VPS13B: variants seen among roughly 807,000 people sequenced by gnomAD.
VPS13B encodes intermembrane lipid transfer protein VPS13B.
A neutral mutation model predicts 426.4 loss-of-function variants in VPS13B; 285 were observed. That is an observed-to-expected ratio of 0.67 (90% confidence interval 0.61 to 0.74). The LOEUF (loss-of-function observed/expected upper bound fraction) is 0.74, where lower values mean the gene tolerates loss of function less well. VPS13B is among the 30% of genes least tolerant of loss of function. The probability of loss-of-function intolerance (pLI) is 0.00; values close to 1 mark genes in which losing one functional copy is unlikely to be tolerated. For missense variants in VPS13B, 4,537 were observed against 4,782.6 expected (o/e 0.95, Z 1.51); for synonymous variants, 1,676 against 1,676.4 (o/e 1.00, Z 0.01).
intron 16 of VPS13B, among the ~76,000 whole-genome samples, chr8:99,173,571 G>A (rs1812474682): frequency 6.6e-6 from 1 of 152,134 alleles, no homozygotes; most frequent in Non-Finnish European, 1.5e-5. Flanking sequence ...CCAAAACTGT[G>A]TTCATCAGTC....
chr8:99,084,753 G>C (rs1260498807), intron 3 of VPS13B, among the ~76,000 whole-genome samples: 1 of 152,202 alleles, frequency 6.6e-6, no homozygotes, highest in African/African-American at 2.4e-5. Flanking sequence ...TTTCCATGTA[G>C]TTGAGTGGCT....
chr8:99,682,442 G>A (rs538125180), intron 35 of VPS13B, among the ~76,000 whole-genome samples: 1 of 152,238 alleles, frequency 6.6e-6, no homozygotes, highest in South Asian at 2.1e-4. Flanking sequence ...TTTGATACAA[G>A]TCTTTTGTCA....
intron 19 of VPS13B, among the ~76,000 whole-genome samples, chr8:99,317,163 C>G (rs1241161336): frequency 6.6e-6 from 1 of 152,110 alleles, no homozygotes; most frequent in Non-Finnish European, 1.5e-5. Context: ...GAGGTTATCC[C>G]AGATCTGGCA....
At chr8:99,246,989 G>A (rs1817259043) in intron 17 of VPS13B, among the ~76,000 whole-genome samples, 1 of 152,032 alleles carries the variant, frequency 6.6e-6, no homozygotes, top group Non-Finnish European at 1.5e-5. Flanking sequence ...TTGCCTAATA[G>A]ATAGTGAACT....
intron 29 of VPS13B, among the ~76,000 whole-genome samples, chr8:99,518,448 GAGA>G (rs1420767606): frequency 6.6e-6 from 1 of 152,188 alleles, no homozygotes; most frequent in Non-Finnish European, 1.5e-5. Flanking sequence ...GCAGCTGCAT[GAGA>G]AGTAGTTTTC....
intron 33 of VPS13B, among the ~76,000 whole-genome samples, chr8:99,640,162 G>A (rs146977616): frequency 4.2e-4 from 64 of 152,062 alleles, no homozygotes; most frequent in African/African-American, 1.3e-3. Context: ...ATTTTTTATC[G>A]CTGATAGTAA....
chr8:99,564,408 A>G (rs1825087600), intron 31 of VPS13B, among the ~76,000 whole-genome samples: 1 of 152,202 alleles, frequency 6.6e-6, no homozygotes, highest in Non-Finnish European at 1.5e-5. Context: ...CCTGGGAAAC[A>G]TCCGGCAGCA....
At chr8:99,413,051 A>G (rs747299281) in intron 21 of VPS13B, among the ~76,000 whole-genome samples, 1 of 152,180 alleles carries the variant, frequency 6.6e-6, no homozygotes, top group Non-Finnish European at 1.5e-5. Context: ...AGGTTTTGAT[A>G]TCAGGAAGAT....
intron 17 of VPS13B, among the ~76,000 whole-genome samples, chr8:99,207,076 A>G (rs939668198): frequency 3.9e-5 from 6 of 152,194 alleles, no homozygotes; most frequent in African/African-American, 9.6e-5. Context: ...AGGTGTCCCT[A>G]TATGCACTTT....
chr8:99,384,090 C>G, intron 19 of VPS13B, 118 bp from the exon 20 acceptor site: 3 of 875,142 alleles, frequency 3.4e-6, no homozygotes, highest in Non-Finnish European at 5.7e-6. Context: ...CACATCCTTT[C>G]CAACGCTTGT....
At chr8:99,605,885 G>T (rs1314198060) in intron 33 of VPS13B, among the ~76,000 whole-genome samples, 2 of 151,922 alleles carry the variant, frequency 1.3e-5, no homozygotes, top group Non-Finnish European at 2.9e-5. Flanking sequence ...AACTTTTTTT[G>T]TTTGTTTGCT....
At chr8:99,557,806 T>A (rs764641823) in intron 31 of VPS13B, among the ~76,000 whole-genome samples, 4 of 152,196 alleles carry the variant, frequency 2.6e-5, no homozygotes, top group Non-Finnish European at 4.4e-5. Context: ...CTTGTGGTTC[T>A]CATCGGAGAA....
intron 39 of VPS13B, among the ~76,000 whole-genome samples, chr8:99,745,658 C>A (rs545699534): frequency 2.6e-5 from 4 of 151,982 alleles, no homozygotes; most frequent in Admixed American, 6.6e-5. Flanking sequence ...ATGTATCCCT[C>A]ATGGATAAGG....
At chr8:99,029,467 A>G (rs1296140417) in intron 2 of VPS13B, among the ~76,000 whole-genome samples, 1 of 151,944 alleles carries the variant, frequency 6.6e-6, no homozygotes, top group East Asian at 1.9e-4. Context: ...ACGCCACTGC[A>G]CTCCAGCCTG....
intron 33 of VPS13B, among the ~76,000 whole-genome samples, chr8:99,627,309 C>T (rs927130182): frequency 1.3e-5 from 2 of 152,124 alleles, no homozygotes; most frequent in African/African-American, 4.8e-5. Flanking sequence ...GCCTGGGCAA[C>T]AGAGCCAGAC....
chr8:99,467,997 C>G (rs1426570459), intron 24 of VPS13B, among the ~76,000 whole-genome samples: 1 of 152,114 alleles, frequency 6.6e-6, no homozygotes, highest in Non-Finnish European at 1.5e-5. Flanking sequence ...CTTTGCTTAT[C>G]ATGCAATTTT....
intron 17 of VPS13B, among the ~76,000 whole-genome samples, chr8:99,260,998 GAGA>G (rs1016220457): frequency 7.9e-5 from 12 of 151,792 alleles, no homozygotes; most frequent in African/African-American, 2.2e-4. Context: ...CAGTACAATT[GAGA>G]AGAAGATACA....
chr8:99,681,895 C>A (rs950589669), intron 35 of VPS13B, among the ~76,000 whole-genome samples: 1 of 152,084 alleles, frequency 6.6e-6, no homozygotes, highest in Non-Finnish European at 1.5e-5. Flanking sequence ...GACCAAGTGT[C>A]CAAATAAGTA....
intron 2 of VPS13B, among the ~76,000 whole-genome samples, chr8:99,023,883 A>T (rs1842018950): frequency 6.6e-6 from 1 of 152,178 alleles, no homozygotes; most frequent in Non-Finnish European, 1.5e-5. Context: ...GAGGTACAAG[A>T]TATCTCTGTC....
Sources: allele counts gnomAD v4.1 joint callset (sites outside exome capture counted in the v4.1 genomes callset), GRCh38; gene constraint gnomAD v4.1.1; transcripts MANE v1.5; gene names NCBI Gene and HGNC (gene_info 2026-07-23, HGNC 2026-07-21).